The following FAHD2B variants were observed in gnomAD, a reference collection of about 807,000 sequenced individuals.
The protein encoded by FAHD2B is oxaloacetate tautomerase FAHD2B, mitochondrial.
A neutral mutation model predicts 33.7 loss-of-function variants in FAHD2B; 26 were observed. The observed-to-expected ratio is 0.77, with a 90% CI of 0.57 to 1.07. The LOEUF (loss-of-function observed/expected upper bound fraction) is 1.07. FAHD2B is among the 50% of genes least tolerant of loss of function. FAHD2B has a pLI of 0.00. For missense variants in FAHD2B, 272 were observed against 388.1 expected (o/e 0.70, Z 2.51); for synonymous variants, 108 against 150.9 (o/e 0.72, Z 2.08).
At chr2:97,086,485 A>G in intron 4 of FAHD2B, 1 of 448,784 alleles carries the variant, frequency 2.2e-6, no homozygotes, top group Non-Finnish European at 4.1e-6. Flanking sequence ...GTCACTCTGG[A>G]TACTTTTAAC....
chr2:97,093,766 C>T (rs2032500934), intron 1 of FAHD2B, among the ~76,000 whole-genome samples: 1 of 152,114 alleles, frequency 6.6e-6, no homozygotes, highest in African/African-American at 2.4e-5. Context: ...AGCCACGGCG[C>T]CCGGCCTGAT....
intron 1 of FAHD2B, among the ~76,000 whole-genome samples, chr2:97,093,765 G>A (rs1176116355): frequency 6.6e-6 from 1 of 152,136 alleles, no homozygotes; most frequent in East Asian, 1.9e-4. Context: ...GAGCCACGGC[G>A]CCCGGCCTGA....
In FAHD2B at chr2:97,087,556, A is replaced by G. The variant is rs150748070; in HGVS notation, c.463-1358T>C. Among the ~76,000 whole-genome samples, 504 of 152,074 alleles carry G rather than the reference A, an allele frequency of 3.3e-3. 5 individuals are homozygous for G. The highest frequency in any genetic ancestry group is 0.017 in the South Asian group (79 of 4,784). ...CTACTAGAAATACAAAAAATTAGCC[A>G]GGTGTGGTGGTGCATCCCTGTAATC... On this transcript the variant is annotated intron_variant, in intron 4 of 8. Coordinates refer to ENST00000414820, the MANE Select transcript of FAHD2B (RefSeq NM_001320848.2).
Position 97,083,647 on chromosome 2 carries a change from G to T in FAHD2B, c.*108C>A. The T allele has an allele frequency of 3.2e-6, 5 of 1,562,474 alleles. No homozygotes were observed. Among genetic ancestry groups the T allele is most frequent in the Non-Finnish European group, 4.4e-6 (5 of 1,142,248 alleles). On this transcript the variant is annotated 3_prime_UTR_variant, in exon 9 of 9. Coordinates refer to ENST00000414820, the MANE Select transcript of FAHD2B (RefSeq NM_001320848.2). ...TCCTTCTCCCTTCTACCGAGAAGAG[G>T]CGGCTTGCAGGGCTGGCACCTGCCC...
intron 1 of FAHD2B, among the ~76,000 whole-genome samples, chr2:97,093,663 C>T (rs1386559385): frequency 1.3e-5 from 2 of 151,870 alleles, no homozygotes; most frequent in African/African-American, 2.4e-5. Flanking sequence ...TTAGTAGAGA[C>T]GGTGTTTCAC....
Position 97,091,697 on chromosome 2 carries a change from A to T in FAHD2B, c.10T>A (p.Ser4Thr). The change falls in exon 3 of 9, where the codon TCT becomes ACT. Residue 4 changes from serine (S) to threonine (T), a missense_variant. Coordinates refer to ENST00000414820, the MANE Select transcript of FAHD2B (RefSeq NM_001320848.2). ...GCTGTGAGTAATCTTCTTCTACCAG[A>T]CACCAGCATCAGAGCCTGCAGAGAA... MLV[S>T]GRRRLLTALL... is the part of the protein sequence containing the mutation. 1.2e-6 allele frequency: 2 copies of T among 1,611,734 alleles called. No homozygotes were observed. The highest frequency in any genetic ancestry group is 8.5e-7 in the Non-Finnish European group (1 of 1,178,490).
At chr2:97,085,911 A>G in intron 5 of FAHD2B, 50 bp from the exon 6 acceptor site, 1 of 1,609,090 alleles carries the variant, frequency 6.2e-7, no homozygotes, top group South Asian at 1.1e-5. Context: ...CACGGGTGAC[A>G]CCAACACCTG....
At chr2:97,081,787 C>G (rs866383807), downstream of FAHD2B, among the ~76,000 whole-genome samples, 14 of 148,710 alleles carry the variant, frequency 9.4e-5, no homozygotes, top group Admixed American at 4.6e-4. Flanking sequence ...CTGCTCCCCA[C>G]ATTTCTTGGC....
At position 97,085,806 on chromosome 2, in the gene FAHD2B, G is replaced by A. The variant is rs750426718; in HGVS notation, c.578C>T (p.Ala193Val). The change falls in exon 6 of 9, where the codon GCT becomes GTT. Residue 193 changes from alanine to valine, a missense_variant. Physicochemically the swap from Ala to Val is moderately conservative, Grantham distance 64. Coordinates refer to ENST00000414820, the MANE Select transcript of FAHD2B (RefSeq NM_001320848.2). The part of the protein sequence containing the change: ...AGFTVAHDVS[A>V]RDWLTRRNGK... ...ATTGCGTCTTGTTAGCCAGTCACGA[G>A]CACTCACGTCATGAGCCACAGTGAA... is the stretch of plus-strand genomic sequence containing the variant. 9.3e-6 allele frequency: 15 copies of A among 1,613,840 alleles called. No homozygotes were observed. The highest frequency in any genetic ancestry group is 2.2e-5 in the South Asian group (2 of 90,988).
chr2:97,092,965 C>CAAAAA (rs748844060), intron 1 of FAHD2B, among the ~76,000 whole-genome samples: 5 of 64,210 alleles, frequency 7.8e-5, no homozygotes, highest in Non-Finnish European at 9.4e-5. Context: ...AGAGCGACTC[C>CAAAAA]AAAAAAAAAA....
downstream of FAHD2B, among the ~76,000 whole-genome samples, chr2:97,079,295 A>C (rs1004673028): frequency 2.6e-5 from 4 of 152,110 alleles, no homozygotes; most frequent in African/African-American, 9.7e-5. Flanking sequence ...CCCAGTAATA[A>C]GATTGCTTGG....
chr2:97,090,420 T>G, intron 3 of FAHD2B, 95 bp from the exon 4 acceptor site: 1 of 1,471,866 alleles, frequency 6.8e-7, no homozygotes, highest in East Asian at 2.5e-5. Flanking sequence ...CAGGTTTTGC[T>G]TTTTGAAATC....
intron 4 of FAHD2B, among the ~76,000 whole-genome samples, chr2:97,088,974 T>G (rs1034735659): frequency 2.0e-5 from 3 of 152,036 alleles, no homozygotes; most frequent in African/African-American, 7.2e-5. Context: ...ATACAGCAAA[T>G]GTCTACAGTG....
At chr2:97,087,174 C>T (rs1204868159) in intron 4 of FAHD2B, among the ~76,000 whole-genome samples, 2 of 151,936 alleles carry the variant, frequency 1.3e-5, no homozygotes, top group Non-Finnish European at 2.9e-5. Flanking sequence ...GCCTCAGCCT[C>T]CCGAGTAGCT....
rs777894103 is a variant in FAHD2B, at chr2:97,086,230, G to C, written c.463-32C>G. On this transcript the variant is annotated intron_variant, in intron 4 of 8. Transcript: ENST00000414820. ...GGTGGGAGAGGAATAGTGAGCCGCA[G>C]TGGCTTCGGGGCCCATTATCTATGC... 4 of 1,606,454 alleles carry C rather than the reference G, an allele frequency of 2.5e-6. No individual in the cohort carries two copies. In the Admixed American group the frequency reaches 6.8e-5, roughly 27 times the overall value.
chr2:97,082,334 T>C (rs1256454939), downstream of FAHD2B: 3 of 1,602,160 alleles, frequency 1.9e-6, no homozygotes, highest in African/African-American at 1.3e-5. Context: ...CCTTGTTCCC[T>C]TGCAGTCCTC....
rs573695003 is a variant in FAHD2B, at chr2:97,085,985, G to A, written c.523-124C>T. 1.8e-5 allele frequency: 26 copies of A among 1,415,186 alleles called. No individual in the cohort carries two copies. In the African/African-American group the frequency reaches 2.5e-4, roughly 14 times the overall value. The allele number at this position is 1,415,186 out of a possible 1,614,324, so 87.7% of individuals were successfully genotyped here. On this transcript the variant is annotated intron_variant, in intron 5 of 8. Coordinates refer to ENST00000414820, the MANE Select transcript of FAHD2B (RefSeq NM_001320848.2). The stretch of plus-strand genomic sequence containing the variant: ...CCAGAGCCAGCCAAAGGTGGGTGAA[G>A]GGAAAGGCAGTGTCAGGGAGCAAGG...
At chr2:97,086,401 G>A (rs2031992297) in intron 4 of FAHD2B, 5 of 622,096 alleles carry the variant, frequency 8.0e-6, no homozygotes, top group Non-Finnish European at 1.4e-5. Flanking sequence ...ACAGCATCAT[G>A]GAATACAGGC....
rs2031945033 is a variant in FAHD2B, at chr2:97,085,826, A to G, written c.558T>C (p.Thr186=). The G allele has an allele frequency of 6.2e-7, 1 of 1,613,848 alleles. No homozygotes were observed. The highest frequency in any genetic ancestry group is 2.2e-5 in the East Asian group (1 of 44,884). Residue 186 remains threonine (T), a synonymous_variant, in exon 6 of 9, where the codon ACT becomes ACC. Coordinates refer to ENST00000414820, the MANE Select transcript of FAHD2B (RefSeq NM_001320848.2). ...CACGAGCACTCACGTCATGAGCCAC[A>G]GTGAAGCCGGCCACGTGGGCCATGG... ...TDAMAHVAGF[T]VAHDVSARDW...
Sources: allele counts gnomAD v4.1 joint callset (sites outside exome capture counted in the v4.1 genomes callset), GRCh38; gene constraint gnomAD v4.1.1; transcripts MANE v1.5; gene names NCBI Gene and HGNC (gene_info 2026-07-23, HGNC 2026-07-21).